The following SEM1 variants were observed in gnomAD, a reference collection of about 807,000 sequenced individuals.
SEM1 encodes the protein 26S proteasome complex subunit SEM1.
SEM1 carries 3 observed loss-of-function variants against 12.7 expected under a neutral mutation model. The ratio of observed to expected loss-of-function variants is 0.24; its 90% confidence interval spans 0.11 to 0.61. The LOEUF (loss-of-function observed/expected upper bound fraction) is 0.61, where lower values mean the gene tolerates loss of function less well. SEM1 is among the 20% of genes least tolerant of loss of function. The probability of loss-of-function intolerance (pLI) is 0.88; values close to 1 mark genes in which losing one functional copy is unlikely to be tolerated. For synonymous variants in SEM1, 30 were observed against 27.8 expected (o/e 1.08, Z -0.25); for missense variants, 59 against 81.3 (o/e 0.73, Z 1.06).
At position 96,592,915 on chromosome 7, in the gene SEM1, C is replaced by G. The variant is rs182298195; in HGVS notation, c.171-86217G>C. Among the ~76,000 whole-genome samples the G allele has an allele frequency of 4.4e-4, 67 of 150,622 alleles. 1 individual carries two copies. The highest frequency in any genetic ancestry group is 9.3e-4 in the African/African-American group (38 of 40,822). On this transcript the variant is annotated intron_variant and NMD_transcript_variant, in intron 2 of 3. Transcript: ENST00000466986. The stretch of plus-strand genomic sequence containing the variant: ...GAGAAAGTTTAGGACCAAAAGCAAC[C>G]CTTCTTGTCTGTTTTCCACATATTA...
In SEM1 at chr7:96,640,267, C is replaced by T. The variant is rs1808551321; in HGVS notation, c.171-17624G>A. Reference sequence around the variant, plus strand: ...AAACTTATGTCCACACAAAAACTTGCACACACACGTTTATTGCAGGCTTAT... The same window carrying T: ...AAACTTATGTCCACACAAAAACTTGTACACACACGTTTATTGCAGGCTTAT... On this transcript the variant is annotated intron_variant, in intron 2 of 2. Coordinates refer to the SEM1 transcript ENST00000417009. The surrounding 1 kb of genome is among the most constrained non-coding windows in gnomAD (Gnocchi z 4.0). Among the ~76,000 whole-genome samples the T allele has an allele frequency of 6.6e-6, 1 of 151,954 alleles. No homozygotes were observed. The highest frequency in any genetic ancestry group is 6.6e-5 in the Admixed American group (1 of 15,220).
chr7:96,554,512 A>G (rs1400981131), intron 2 of SEM1, among the ~76,000 whole-genome samples: 4 of 143,266 alleles, frequency 2.8e-5, no homozygotes, highest in African/African-American at 5.1e-5. Context: ...TGATTTGCGT[A>G]TATTGAACCA....
intron 2 of SEM1, among the ~76,000 whole-genome samples, chr7:96,662,509 G>T (rs534366842): frequency 9.9e-5 from 15 of 152,044 alleles, no homozygotes; most frequent in Non-Finnish European, 2.1e-4. Context: ...TCACACGCTG[G>T]GGCCTGTCAG....
At chr7:96,582,567 C>A (rs1185995123) in intron 2 of SEM1, among the ~76,000 whole-genome samples, 25 of 152,034 alleles carry the variant, frequency 1.6e-4, no homozygotes, top group Admixed American at 6.5e-5. Flanking sequence ...CTCCTTGTAC[C>A]TCTGGTAGAA....
At chr7:96,645,104 A>G (rs17410867) in intron 2 of SEM1, among the ~76,000 whole-genome samples, 7,757 of 152,250 alleles carry the variant, frequency 0.051, 244 homozygotes, top group South Asian at 0.09. Context: ...TTTTTATCAT[A>G]CAGATGTTAG....
chr7:96,500,144 A>G (rs1295276539), upstream of SEM1, among the ~76,000 whole-genome samples: 1 of 152,126 alleles, frequency 6.6e-6, no homozygotes, highest in Non-Finnish European at 1.5e-5. Context: ...TTCCATAGAT[A>G]CATTTTAGTC....
At chr7:96,546,651 C>G (rs1805112206) in intron 2 of SEM1, among the ~76,000 whole-genome samples, 2 of 152,090 alleles carry the variant, frequency 1.3e-5, no homozygotes, top group Admixed American at 6.6e-5. Flanking sequence ...TTAGCCAACA[C>G]TGGAACATTC....
chr7:96,506,555 T>C (rs1803760078), intron 3 of SEM1: 1 of 152,154 alleles, frequency 6.6e-6, no homozygotes, highest in Non-Finnish European at 1.5e-5. Context: ...GGTCCAGTCC[T>C]ATAAGTTATT....
chr7:96,615,635 A>G (rs1807694824), intron 2 of SEM1, among the ~76,000 whole-genome samples: 1 of 152,236 alleles, frequency 6.6e-6, no homozygotes, highest in Non-Finnish European at 1.5e-5. Flanking sequence ...AAGTGCAGAT[A>G]TCTTAAATGT....
intron 2 of SEM1, among the ~76,000 whole-genome samples, chr7:96,583,977 G>C (rs537998729): frequency 4.7e-4 from 72 of 152,014 alleles, no homozygotes; most frequent in African/African-American, 1.7e-3. Flanking sequence ...TACATTTAAA[G>C]TTAATATTGT....
upstream of SEM1, among the ~76,000 whole-genome samples, chr7:96,501,215 A>G (rs1192117478): frequency 6.6e-6 from 1 of 152,136 alleles, no homozygotes; most frequent in Non-Finnish European, 1.5e-5. Context: ...GCCTTGCCAC[A>G]GAAGTCTCAG....
intron 2 of SEM1, among the ~76,000 whole-genome samples, chr7:96,627,388 G>C (rs547950604): frequency 1.1e-4 from 17 of 151,470 alleles, no homozygotes; most frequent in African/African-American, 4.1e-4. Flanking sequence ...CTTCTTCTTT[G>C]ATGCCAGCAC....
At chr7:96,581,947 T>A (rs6960223) in intron 2 of SEM1, among the ~76,000 whole-genome samples, 142,762 of 151,516 alleles carry the variant, frequency 0.94, 67,827 homozygotes, top group East Asian at 1. Context: ...TCTTTTCCTC[T>A]TTGAATACCC....
At chr7:96,661,290 C>CT in intron 2 of SEM1, among the ~76,000 whole-genome samples, 1 of 152,096 alleles carries the variant, frequency 6.6e-6, no homozygotes, top group Non-Finnish European at 1.5e-5. Flanking sequence ...ACATTTGCAC[C>CT]TAAGAGATGG....
intron 2 of SEM1, among the ~76,000 whole-genome samples, chr7:96,522,919 G>T: frequency 6.8e-6 from 1 of 146,308 alleles, no homozygotes; most frequent in Admixed American, 6.8e-5. Context: ...AAAGAGAGAT[G>T]TTGTTTAAAT....
chr7:96,553,130 C>T (rs1805347974), intron 2 of SEM1, among the ~76,000 whole-genome samples: 1 of 151,948 alleles, frequency 6.6e-6, no homozygotes, highest in African/African-American at 2.4e-5. Context: ...AAAATTTTCT[C>T]CTATTTTGTA....
intron 2 of SEM1, among the ~76,000 whole-genome samples, chr7:96,648,359 A>T (rs1196619273): frequency 6.6e-6 from 1 of 152,194 alleles, no homozygotes; most frequent in African/African-American, 2.4e-5. Flanking sequence ...TCCACAGTGT[A>T]AGTGGACACA....
chr7:96,624,150 G>A (rs1269873688), intron 2 of SEM1, among the ~76,000 whole-genome samples: 1 of 152,104 alleles, frequency 6.6e-6, no homozygotes, highest in African/African-American at 2.4e-5. Context: ...ATGGCTATAT[G>A]TTTTTGGAAC....
chr7:96,532,013 T>C (rs1402653282), intron 2 of SEM1, among the ~76,000 whole-genome samples: 1 of 152,078 alleles, frequency 6.6e-6, no homozygotes, highest in Non-Finnish European at 1.5e-5. Flanking sequence ...TGAGATCCCA[T>C]GGCCTCTGCT....
Sources: allele counts gnomAD v4.1 joint callset (sites outside exome capture counted in the v4.1 genomes callset), GRCh38; gene constraint gnomAD v4.1.1; non-coding constraint Gnocchi (gnomAD v3.1); transcripts MANE v1.5; gene names NCBI Gene and HGNC (gene_info 2026-07-23, HGNC 2026-07-21).